The following ALPI variants were observed in gnomAD, a reference collection of about 807,000 sequenced individuals.
ALPI encodes the protein intestinal-type alkaline phosphatase.
Under a neutral mutation model 51.5 loss-of-function variants are expected in ALPI, and 50 were observed. The observed-to-expected ratio is 0.97, with a 90% confidence interval of 0.77 to 1.23. The LOEUF is 1.23. Ranked by LOEUF, ALPI falls within the 50% of genes most tolerant of loss-of-function variation. The pLI is 0.00. For synonymous variants in ALPI, 322 were observed against 308.2 expected (o/e 1.04, Z -0.47); for missense variants, 692 against 722.4 (o/e 0.96, Z 0.48).
At position 232,458,908 on chromosome 2, in the gene ALPI, C is replaced by T. The variant is rs1261841582; in HGVS notation, c.1349C>T (p.Thr450Ile). ...GCGGCGGTGCCCCTGTCGTCCGAGA[C>T]CCACGGAGGCGAAGACGTGGCGGTG... ...QQAAVPLSSE[T>I]HGGEDVAVFA... The change falls in exon 11 of 11, where the codon ACC becomes ATC. Residue 450 changes from threonine to isoleucine, a missense_variant. Transcript: ENST00000295463. The T allele has an allele frequency of 2.5e-6, 4 of 1,610,498 alleles. No homozygotes were observed. In the South Asian group the frequency reaches 4.4e-5, roughly 18 times the overall value.
rs780862777 is a variant in ALPI at position 232,457,202 on chromosome 2, C to T, written c.528C>T (p.Ala176=). The T allele has an allele frequency of 1.1e-5, 17 of 1,613,512 alleles. No homozygotes were observed. The highest frequency in any genetic ancestry group is 3.3e-4 in the Middle Eastern group (2 of 6,042). The stretch of plus-strand genomic sequence containing the variant: ...CACGGGTGCAGCACGCCTCGCCAGC[C>T]GGCACCTACGCACACACAGTGAACC... ...TTTRVQHASP[A]GTYAHTVNRN... The change falls in exon 5 of 11, where the codon GCC becomes GCT. Residue 176 remains alanine (A), a synonymous_variant. Transcript: ENST00000295463. This position sits in a 1 kb window ranked among gnomAD's most constrained non-coding sequence, Gnocchi z 4.7.
In ALPI at chr2:232,457,184, G is replaced by A. The variant is rs1187384450; in HGVS notation, c.510G>A (p.Val170=). The A allele has an allele frequency of 1.2e-6, 2 of 1,613,482 alleles. No individual in the cohort carries two copies. Among genetic ancestry groups the A allele is most frequent in the African/African-American group, 1.3e-5 (1 of 75,068 alleles). Residue 170 remains valine (V), a synonymous_variant, in exon 5 of 11, where the codon GTG becomes GTA. Coordinates refer to ENST00000295463, the MANE Select transcript of ALPI (RefSeq NM_001631.5). This position sits in a 1 kb window ranked among gnomAD's most constrained non-coding sequence, Gnocchi z 4.7. Reference sequence around the variant, plus strand: ...TAGGAGTGGTGACCACCACACGGGTGCAGCACGCCTCGCCAGCCGGCACCT... The same window carrying A: ...TAGGAGTGGTGACCACCACACGGGTACAGCACGCCTCGCCAGCCGGCACCT... ...KSVGVVTTTR[V]QHASPAGTYA... is the part of the protein sequence containing the mutation.
In ALPI at chr2:232,456,487, A is replaced by C. The variant is rs957559574; in HGVS notation, c.184+22A>C. 8 of 1,613,498 alleles carry C rather than the reference A, an allele frequency of 5.0e-6. No homozygotes were observed. Among genetic ancestry groups the C allele is most frequent in the Non-Finnish European group, 6.8e-6 (8 of 1,179,824 alleles). ...GATGGTGAGTGAGCAAGGCCTGTCC[A>C]GCCCCGTAGTCCTCACAGCCCCGGC... is the stretch of plus-strand genomic sequence containing the variant. On this transcript the variant is annotated intron_variant, in intron 2 of 10. Coordinates refer to ENST00000295463, the MANE Select transcript of ALPI (RefSeq NM_001631.5). The surrounding 1 kb of genome is among the most constrained non-coding windows in gnomAD (Gnocchi z 4.2).
chr2:232,456,959 G>A lies in ALPI; in HGVS notation c.361G>A (p.Gly121Arg), dbSNP rs541317610. 5 of 1,613,646 alleles carry A rather than the reference G, an allele frequency of 3.1e-6. No homozygotes were observed. In the African/African-American group the frequency reaches 4.0e-5, roughly 13 times the overall value. Residue 121 changes from glycine to arginine, a missense_variant, in exon 4 of 11, where the codon GGG becomes AGG. By Grantham distance (125) the Gly-to-Arg change is moderately radical (BLOSUM62 -2). Coordinates refer to ENST00000295463, the MANE Select transcript of ALPI (RefSeq NM_001631.5). The surrounding 1 kb of genome is among the most constrained non-coding windows in gnomAD (Gnocchi z 4.2). ...AGCCACAGCCACGGCCTACCTGTGC[G>A]GGGTCAAGGCCAACTTCCAGACCAT... ...SAATATAYLC[G>R]VKANFQTIGL...
chr2:232,457,929 T>C lies in ALPI; in HGVS notation c.856+62T>C. 1.2e-6 allele frequency: 2 copies of C among 1,612,052 alleles called. No homozygotes were observed. The highest frequency in any genetic ancestry group is 1.7e-6 in the Non-Finnish European group (2 of 1,178,802). ...AACCTCAGAGGGTGCCATCCGAGCC[T>C]GTGTGCCCATTTGCCAGCACCCTCC... is the stretch of plus-strand genomic sequence containing the variant. On this transcript the variant is annotated intron_variant, in intron 7 of 10. Transcript: ENST00000295463. This position sits in a 1 kb window ranked among gnomAD's most constrained non-coding sequence, Gnocchi z 4.7.
Position 232,457,356 on chromosome 2 carries a change from A to G in ALPI, c.648+34A>G. 1 of 1,577,648 alleles carries G rather than the reference A, an allele frequency of 6.3e-7. No homozygotes were observed. Among genetic ancestry groups the G allele is most frequent in the Non-Finnish European group, 8.6e-7 (1 of 1,161,408 alleles). On this transcript the variant is annotated intron_variant, in intron 5 of 10. Transcript: ENST00000295463. The surrounding 1 kb of genome is among the most constrained non-coding windows in gnomAD (Gnocchi z 4.7). ...CCCGGGCCAAGGGCTGGGGCTGGGC[A>G]GAGGGGAAGGTGGCACAGGCTCAGA...
chr2:232,458,860 G>C lies in ALPI; in HGVS notation c.1301G>C (p.Gly434Ala), dbSNP rs1690251360. Residue 434 changes from glycine (G) to alanine (A), a missense_variant and splice_region_variant, in exon 11 of 11, where the codon GGG becomes GCG. By Grantham distance (60) the Gly-to-Ala change is moderately conservative. Coordinates refer to ENST00000295463, the MANE Select transcript of ALPI (RefSeq NM_001631.5). ...TGAAGTGCACTCACCCTCCTACCAG[G>C]GAGCCCCGATTACCAGCAGCAGGCG... ...VRPDVNESESGSPDYQQQAAV... is the reference protein window; with the variant it reads ...VRPDVNESESASPDYQQQAAV... 1 of 1,610,178 alleles carries C rather than the reference G, an allele frequency of 6.2e-7. No homozygotes were observed.
intron 8 of ALPI, 34 bp from the exon 9 acceptor site, chr2:232,458,183 G>A (rs773339089): frequency 1.2e-6 from 2 of 1,613,612 alleles, no homozygotes; most frequent in Middle Eastern, 1.6e-4. Context: ...GGCAGGGCAG[G>A]TTCAAGCATC....
Position 232,459,153 on chromosome 2 carries a change from C to G in ALPI, c.*7C>G. 6.5e-7 allele frequency: 1 copy of G among 1,528,380 alleles called. No homozygotes were observed. Among genetic ancestry groups the G allele is most frequent in the Non-Finnish European group, 8.7e-7 (1 of 1,143,286 alleles). The allele number at this position is 1,528,380 out of a possible 1,614,324, so 94.7% of individuals were successfully genotyped here. ...GGCGTCCGCTGCTCCCTGAGTGCCC[C>G]ACTCCGGAGTTATCCTGCTCCCCAC... On this transcript the variant is annotated 3_prime_UTR_variant, in exon 11 of 11. Transcript: ENST00000295463.
rs1337442363 is a variant in ALPI at position 232,457,481 on chromosome 2, G to A, written c.649-84G>A. ...GGCTGGGCCATTCCCACAGCCCTGGGGAGGGGAGCCAGGGGCTATGCATGA... is the reference window on the plus strand; with the variant it reads ...GGCTGGGCCATTCCCACAGCCCTGGAGAGGGGAGCCAGGGGCTATGCATGA... On this transcript the variant is annotated intron_variant, in intron 5 of 10. Transcript: ENST00000295463. This position sits in a 1 kb window ranked among gnomAD's most constrained non-coding sequence, Gnocchi z 4.7. The A allele has an allele frequency of 5.8e-6, 9 of 1,547,636 alleles. No individual in the cohort carries two copies. In the Admixed American group the frequency reaches 1.6e-4, roughly 27 times the overall value.
chr2:232,456,522 C>A lies in ALPI; in HGVS notation c.184+57C>A. ...TCCTCACAGCCCCGGCACCCGGGAC[C>A]TTCAGTGGTTCCAGGACAACCCTGG... On this transcript the variant is annotated intron_variant, in intron 2 of 10. Coordinates refer to ENST00000295463, the MANE Select transcript of ALPI (RefSeq NM_001631.5). The surrounding 1 kb of genome is among the most constrained non-coding windows in gnomAD (Gnocchi z 4.2). 6.2e-7 allele frequency: 1 copy of A among 1,611,326 alleles called. No individual in the cohort carries two copies. Among genetic ancestry groups the A allele is most frequent in the South Asian group, 1.1e-5 (1 of 90,632 alleles).
rs748432468 is a variant in ALPI at position 232,459,122 on chromosome 2, G to A, written c.1563G>A (p.Leu521=). 1.1e-4 allele frequency: 166 copies of A among 1,534,794 alleles called. No homozygotes were observed. Among genetic ancestry groups the A allele is most frequent in the Non-Finnish European group, 1.4e-4 (158 of 1,145,282 alleles). ...CACTGCTGGCCGGGACCCTGCTGCT[G>A]CTGGGGGCGTCCGCTGCTCCCTGAG... is the stretch of plus-strand genomic sequence containing the variant. ...SLPLLAGTLL[L]LGASAAP is the part of the protein sequence containing the mutation. Residue 521 remains leucine (L), a synonymous_variant, in exon 11 of 11, where the codon CTG becomes CTA. Transcript: ENST00000295463.
rs188200498 is a variant in ALPI, at chr2:232,459,138, G to T, written c.1579G>T (p.Ala527Ser). Reference sequence around the variant, plus strand: ...CCTGCTGCTGCTGGGGGCGTCCGCTGCTCCCTGAGTGCCCCACTCCGGAGT... The same window carrying T: ...CCTGCTGCTGCTGGGGGCGTCCGCTTCTCCCTGAGTGCCCCACTCCGGAGT... ...GTLLLLGASA[A>S]P The change falls in exon 11 of 11, where the codon GCT becomes TCT. Residue 527 changes from alanine to serine, a missense_variant. Ala to Ser is a moderately conservative substitution (Grantham distance 99). Transcript: ENST00000295463. 5.9e-6 allele frequency: 9 copies of T among 1,531,672 alleles called. No individual in the cohort carries two copies. In the East Asian group the frequency reaches 2.2e-4, roughly 38 times the overall value. The allele number at this position is 1,531,672 out of a possible 1,614,324, so 94.9% of individuals were successfully genotyped here.
Position 232,457,069 on chromosome 2 carries a change from A to G in ALPI, c.471A>G (p.Gln157=), listed in dbSNP as rs1026987984. The G allele has an allele frequency of 1.2e-6, 2 of 1,613,436 alleles. No individual in the cohort carries two copies. The highest frequency in any genetic ancestry group is 1.3e-5 in the African/African-American group (1 of 74,930). ...TCTCCGTGATGAACCGGGCCAAGCAAGCAGGTGAGCTGGGGCCCGCTGTGG... is the reference window on the plus strand; with the variant it reads ...TCTCCGTGATGAACCGGGCCAAGCAGGCAGGTGAGCTGGGGCCCGCTGTGG... ...EVISVMNRAK[Q]AGKSVGVVTT... Residue 157 remains glutamine (Q), a synonymous_variant, in exon 4 of 11, where the codon CAA becomes CAG. Coordinates refer to ENST00000295463, the MANE Select transcript of ALPI (RefSeq NM_001631.5). This position sits in a 1 kb window ranked among gnomAD's most constrained non-coding sequence, Gnocchi z 4.7.
In ALPI at chr2:232,459,316, T is replaced by G; in HGVS notation, c.*170T>G. On this transcript the variant is annotated 3_prime_UTR_variant, in exon 11 of 11. Coordinates refer to ENST00000295463, the MANE Select transcript of ALPI (RefSeq NM_001631.5). Reference sequence around the variant, plus strand: ...CAGCGGGGCCCTTCTTCCCTCCGCATCCCCTTCAGGGAGCAGGAGCCCAGG... The same window carrying G: ...CAGCGGGGCCCTTCTTCCCTCCGCAGCCCCTTCAGGGAGCAGGAGCCCAGG... 1 of 941,772 alleles carries G rather than the reference T, an allele frequency of 1.1e-6. No individual in the cohort carries two copies. The highest frequency in any genetic ancestry group is 1.5e-6 in the Non-Finnish European group (1 of 651,820). 58.3% of individuals were successfully genotyped at this position (941,772 alleles called of 1,614,324 possible).
At position 232,457,715 on chromosome 2, in the gene ALPI, G is replaced by A. The variant is rs6708439; in HGVS notation, c.783+16G>A. On this transcript the variant is annotated intron_variant, in intron 6 of 10. Coordinates refer to ENST00000295463, the MANE Select transcript of ALPI (RefSeq NM_001631.5). This position sits in a 1 kb window ranked among gnomAD's most constrained non-coding sequence, Gnocchi z 4.7. ...AAAGCACCAGGTGATGGGGGCTGGT[G>A]GGTGTGGGAGGCACGGCAGGGGGAG... is the stretch of plus-strand genomic sequence containing the variant. The A allele has an allele frequency of 3.6e-3, 5,847 of 1,610,546 alleles. 101 individuals carry two copies. In the African/African-American group the frequency reaches 0.047, roughly 13 times the overall value.
At position 232,459,087 on chromosome 2, in the gene ALPI, G is replaced by T. The variant is rs778173995; in HGVS notation, c.1528G>T (p.Ala510Ser). The change falls in exon 11 of 11, where the codon GCG (alanine) becomes TCG (serine). Residue 510 changes from alanine to serine, a missense_variant. By Grantham distance (99) the Ala-to-Ser change is moderately conservative (BLOSUM62 1). Transcript: ENST00000295463. ...CACCGACGCCGCGCACCCAGTTGCC[G>T]CGTCGCTGCCACTGCTGGCCGGGAC... ...CTTDAAHPVA[A>S]SLPLLAGTLL... 26 of 1,542,148 alleles carry T rather than the reference G, an allele frequency of 1.7e-5. No individual in the cohort carries two copies. Among genetic ancestry groups the T allele is most frequent in the Non-Finnish European group, 2.6e-6 (3 of 1,146,542 alleles).
chr2:232,456,661 C>G lies in ALPI; in HGVS notation c.266C>G (p.Ala89Gly), dbSNP rs772076928. The G allele has an allele frequency of 6.2e-7, 1 of 1,610,562 alleles. No individual in the cohort carries two copies. The highest frequency in any genetic ancestry group is 1.1e-5 in the South Asian group (1 of 90,452). The part of the protein sequence containing the change: ...NGKLGPETPL[A>G]MDRFPYLALS... ...AAACTGGGGCCTGAGACGCCCCTGG[C>G]CATGGACCGCTTCCCATACCTGGCT... Residue 89 changes from alanine (A) to glycine (G), a missense_variant, in exon 3 of 11, where the codon GCC becomes GGC. Transcript: ENST00000295463. The surrounding 1 kb of genome is among the most constrained non-coding windows in gnomAD (Gnocchi z 4.2).
At position 232,456,943 on chromosome 2, in the gene ALPI, C is replaced by T; in HGVS notation, c.345C>T (p.Ala115=). The T allele has an allele frequency of 6.2e-7, 1 of 1,613,700 alleles. No homozygotes were observed. Among genetic ancestry groups the T allele is most frequent in the Non-Finnish European group, 8.5e-7 (1 of 1,180,024 alleles). Residue 115 remains alanine, a synonymous_variant, in exon 4 of 11, where the codon GCC becomes GCT. Coordinates refer to ENST00000295463, the MANE Select transcript of ALPI (RefSeq NM_001631.5). This position sits in a 1 kb window ranked among gnomAD's most constrained non-coding sequence, Gnocchi z 4.2. ...DRQVPDSAAT[A]TAYLCGVKAN... ...AGGTGCCAGACAGCGCAGCCACAGC[C>T]ACGGCCTACCTGTGCGGGGTCAAGG...
Sources: allele counts gnomAD v4.1 joint callset, GRCh38; gene constraint gnomAD v4.1.1; non-coding constraint Gnocchi (gnomAD v3.1); transcripts MANE v1.5; gene names NCBI Gene and HGNC (gene_info 2026-07-23, HGNC 2026-07-21).